Variants in SGCD observed in about 807,000 individuals in gnomAD.
The protein encoded by SGCD is delta-sarcoglycan.
Under a neutral mutation model 36.6 loss-of-function variants are expected in SGCD, and 18 were observed. The observed-to-expected ratio is 0.49, with a 90% CI of 0.34 to 0.73. SGCD has a LOEUF of 0.73. Ranked by LOEUF, SGCD falls within the 30% of genes least tolerant of loss-of-function variation. The probability of loss-of-function intolerance (pLI) is 0.01; values close to 1 mark genes in which losing one functional copy is unlikely to be tolerated. For synonymous variants in SGCD, 133 were observed against 130.6 expected (o/e 1.02, Z -0.12); for missense variants, 387 against 346.7 (o/e 1.12, Z -0.92).
intron 1 of SGCD, among the ~76,000 whole-genome samples, chr5:155,938,024 C>T (rs1407864150): frequency 6.6e-6 from 1 of 152,182 alleles, no homozygotes; most frequent in Non-Finnish European, 1.5e-5. Flanking sequence ...TTCTTTGAAC[C>T]ACAGTGATGG....
upstream of SGCD, among the ~76,000 whole-genome samples, chr5:155,866,368 C>G (rs1468224896): frequency 6.6e-6 from 1 of 152,084 alleles, no homozygotes; most frequent in Admixed American, 6.6e-5. Flanking sequence ...TTTGCACCAT[C>G]AATGCAAATG....
chr5:155,730,965 C>A, the SGCD span, among the ~76,000 whole-genome samples: 1 of 152,182 alleles, frequency 6.6e-6, no homozygotes, highest in Admixed American at 6.5e-5. Context: ...GGGGCGCATG[C>A]CTCTCCACAA....
At chr5:155,883,363 A>G (rs1209969110) in intron 1 of SGCD, among the ~76,000 whole-genome samples, 3 of 152,176 alleles carry the variant, frequency 2.0e-5, no homozygotes, top group Non-Finnish European at 4.4e-5. Context: ...TTGGCTTTCT[A>G]CATGCCTTCC....
At chr5:156,028,139 A>G (rs1341031368) in intron 1 of SGCD, among the ~76,000 whole-genome samples, 5 of 152,192 alleles carry the variant, frequency 3.3e-5, no homozygotes, top group Admixed American at 1.3e-4. Context: ...AAAGAAGGCA[A>G]TGGAGTTTTA....
At chr5:156,744,012 C>A (rs1756824698) in intron 7 of SGCD, among the ~76,000 whole-genome samples, 1 of 152,076 alleles carries the variant, frequency 6.6e-6, no homozygotes, top group Non-Finnish European at 1.5e-5. Context: ...GTGTTCAAGC[C>A]AAAGCAGGCA....
intron 3 of SGCD, among the ~76,000 whole-genome samples, chr5:156,418,856 T>C (rs1382393376): frequency 6.6e-6 from 1 of 152,218 alleles, no homozygotes; most frequent in Non-Finnish European, 1.5e-5. Context: ...AGCTCTCTTC[T>C]ATTGCTAGAC....
At chr5:156,071,419 G>T (rs1361637673) in intron 1 of SGCD, among the ~76,000 whole-genome samples, 4 of 152,286 alleles carry the variant, frequency 2.6e-5, no homozygotes, top group Admixed American at 6.5e-5. Context: ...AGGTTGTTCA[G>T]TTTCCATGTA....
chr5:156,642,485 T>TTTCC (rs1763067662), intron 6 of SGCD, among the ~76,000 whole-genome samples: 2 of 134,342 alleles, frequency 1.5e-5, no homozygotes, highest in African/African-American at 5.8e-5. Context: ...TTTTTTTTTT[T>TTTCC]CCAAGACGGA....
intron 2 of SGCD, among the ~76,000 whole-genome samples, chr5:156,337,149 T>C (rs1768396412): frequency 6.6e-6 from 1 of 152,214 alleles, no homozygotes; most frequent in Non-Finnish European, 1.5e-5. Context: ...ATATGGCTAA[T>C]GGATTTCTAT....
chr5:156,758,601 A>G (rs1374322235), intron 8 of SGCD, among the ~76,000 whole-genome samples: 1 of 152,206 alleles, frequency 6.6e-6, no homozygotes, highest in African/African-American at 2.4e-5. Context: ...AACCACACAC[A>G]TATAAAAATA....
At chr5:155,857,912 A>T in the SGCD span, among the ~76,000 whole-genome samples, 2 of 152,174 alleles carry the variant, frequency 1.3e-5, no homozygotes, top group African/African-American at 4.8e-5. Flanking sequence ...CTGAGTTTAA[A>T]TCTACCATCT....
At chr5:155,911,215 A>G (rs776588920) in intron 1 of SGCD, among the ~76,000 whole-genome samples, 1 of 151,656 alleles carries the variant, frequency 6.6e-6, no homozygotes, top group South Asian at 2.1e-4. Context: ...GAATTTTCTG[A>G]TCCTTTCCAA....
chr5:156,191,331 G>C (rs59612069), intron 3 of SGCD, among the ~76,000 whole-genome samples: 2,003 of 152,180 alleles, frequency 0.013, 49 homozygotes, highest in African/African-American at 0.046. Context: ...TTAACTTACA[G>C]GTGATTGATC....
chr5:155,810,441 C>T, the SGCD span, among the ~76,000 whole-genome samples: 1 of 152,090 alleles, frequency 6.6e-6, no homozygotes, highest in African/African-American at 2.4e-5. Flanking sequence ...TTTTATCCTT[C>T]TTCTAAATGT....
chr5:156,241,792 CT>C (rs975932647), intron 3 of SGCD, among the ~76,000 whole-genome samples: 13 of 152,320 alleles, frequency 8.5e-5, no homozygotes, highest in African/African-American at 3.1e-4. Flanking sequence ...TGGAAATACA[CT>C]CACCAAGCAG....
At chr5:155,965,848 C>A (rs1417465820) in intron 1 of SGCD, among the ~76,000 whole-genome samples, 1 of 152,096 alleles carries the variant, frequency 6.6e-6, no homozygotes, top group Admixed American at 6.6e-5. Flanking sequence ...TCCAAATCTA[C>A]TCTTTTGTGT....
intron 3 of SGCD, among the ~76,000 whole-genome samples, chr5:156,316,080 C>T (rs1439832021): frequency 6.6e-6 from 1 of 151,788 alleles, no homozygotes; most frequent in African/African-American, 2.4e-5. Context: ...GCCCTGAAGA[C>T]TTCATCAAAA....
intron 3 of SGCD, among the ~76,000 whole-genome samples, chr5:156,209,327 T>A (rs1275936843): frequency 6.6e-6 from 1 of 152,112 alleles, no homozygotes; most frequent in Non-Finnish European, 1.5e-5. Context: ...CAAGCTGGCT[T>A]CCATAGCTCT....
intron 3 of SGCD, among the ~76,000 whole-genome samples, chr5:156,313,350 T>G (rs1221355727): frequency 6.6e-6 from 1 of 152,110 alleles, no homozygotes; most frequent in African/African-American, 2.4e-5. Flanking sequence ...TTTCTCACCT[T>G]TTTTTGTTTT....
Sources: gnomAD v4.1 joint callset for allele counts (sites outside exome capture counted in the v4.1 genomes callset) on GRCh38, gnomAD v4.1.1 for gene constraint, MANE v1.5 for transcripts, NCBI Gene and HGNC (gene_info 2026-07-23, HGNC 2026-07-21) for gene names.